DENND2B: variants seen among roughly 807,000 people sequenced by gnomAD.
DENND2B encodes DENN domain containing 2B.
A neutral mutation model predicts 116.0 loss-of-function variants in DENND2B; 32 were observed. The observed-to-expected ratio is 0.28, with a 90% CI of 0.21 to 0.37. The LOEUF (loss-of-function observed/expected upper bound fraction) is 0.37. DENND2B is among the 10% of genes least tolerant of loss of function. The pLI is 1.00. For synonymous variants in DENND2B, 588 were observed against 583.9 expected, an observed-to-expected ratio of 1.01 and a Z score of -0.10; for missense variants, 1,276 against 1,477.7, an observed-to-expected ratio of 0.86 and a Z score of 2.24.
chr11:8,830,093 G>A (rs985046554), intron 4 of DENND2B, among the ~76,000 whole-genome samples: 10 of 152,030 alleles, frequency 6.6e-5, no homozygotes, highest in Admixed American at 5.9e-4. Flanking sequence ...CCTTTCTCTG[G>A]CCTCTCCAAA....
In DENND2B at chr11:8,715,754, C is replaced by T. The variant is rs144868309; in HGVS notation, c.1694G>A (p.Arg565Gln). ...GTGCCTCTTGGGTAATCGTGGCAGC[C>T]GGTGGCTCTTCCTTTCTGACCAGTT... ...SGNWSERKSH[R>Q]LPRLPKRHSH... Residue 565 changes from arginine (R) to glutamine (Q), a missense_variant, in exon 6 of 20, where the codon CGG (arginine) becomes CAG (glutamine). Transcript: ENST00000313726. 135 of 1,614,078 alleles carry T rather than the reference C, an allele frequency of 8.4e-5. 1 individual carries two copies. The highest frequency in any genetic ancestry group is 2.7e-4 in the African/African-American group (20 of 75,068).
At chr11:8,905,760 A>C (rs562811704) in intron 1 of DENND2B, among the ~76,000 whole-genome samples, 1 of 152,264 alleles carries the variant, frequency 6.6e-6, no homozygotes, top group Admixed American at 6.5e-5. Context: ...CCAAACCAGA[A>C]ACATTTCAGA....
chr11:8,839,670 A>G (rs957070493), intron 3 of DENND2B, among the ~76,000 whole-genome samples: 6 of 152,174 alleles, frequency 3.9e-5, no homozygotes, highest in Admixed American at 6.5e-5. Flanking sequence ...AGAGTGGGGA[A>G]GAGGGAAGGA....
In DENND2B at chr11:8,696,625, G is replaced by A. The variant is rs2040401325; in HGVS notation, c.3094C>T (p.Arg1032Trp). The A allele has an allele frequency of 6.2e-7, 1 of 1,614,140 alleles. No individual in the cohort carries two copies. The highest frequency in any genetic ancestry group is 8.5e-7 in the Non-Finnish European group (1 of 1,180,046). The change falls in exon 18 of 20, where the codon CGG becomes TGG. Residue 1032 changes from arginine (R) to tryptophan (W), a missense_variant. By Grantham distance (101) the Arg-to-Trp change is moderately radical. Around this residue, in one of 2 missense-constraint regions of DENND2B, gnomAD observed 420 missense variants for 631.1 expected, o/e 0.67. Coordinates refer to ENST00000313726, the MANE Select transcript of DENND2B (RefSeq NM_213618.2). ...TGCCCAACGGTCTCCACAAAGAACC[G>A]GATAAACACCTCCGACACCAGCCCA... ...LNGLVSEVFI[R>W]FFVETVGHYS...
chr11:8,857,924 C>G (rs2063252182), intron 2 of DENND2B, among the ~76,000 whole-genome samples: 1 of 152,208 alleles, frequency 6.6e-6, no homozygotes, highest in African/African-American at 2.4e-5. Flanking sequence ...CAAATCCAAT[C>G]TCTCCTTCAA....
upstream of DENND2B, among the ~76,000 whole-genome samples, chr11:8,813,065 T>TG (rs1302647388): frequency 6.6e-6 from 1 of 152,142 alleles, no homozygotes; most frequent in Non-Finnish European, 1.5e-5. Flanking sequence ...ATTATAGGTG[T>TG]GTACTACCAC....
intron 2 of DENND2B, among the ~76,000 whole-genome samples, chr11:8,876,621 A>G (rs193134636): frequency 1.4e-3 from 216 of 152,292 alleles, no homozygotes; most frequent in Admixed American, 3.2e-3. Flanking sequence ...TCATGCCTGT[A>G]ATCCCAGCAC....
At chr11:8,751,598 C>T (rs1162631484) in intron 1 of DENND2B, among the ~76,000 whole-genome samples, 7 of 151,890 alleles carry the variant, frequency 4.6e-5, no homozygotes, top group East Asian at 1.9e-4. Flanking sequence ...CGAACACATC[C>T]GAACATCAGA....
chr11:8,884,281 G>GA lies in DENND2B; in HGVS notation c.-255-3173dup, dbSNP rs34871822. 8.4e-3 allele frequency among the ~76,000 whole-genome samples: 1,209 copies of GA among 144,208 alleles called. 12 individuals are homozygous for GA. Among genetic ancestry groups the GA allele is most frequent in the African/African-American group, 0.028 (1,090 of 38,354 alleles). 94.6% of individuals were successfully genotyped at this position (144,208 alleles called of 152,430 possible). The stretch of plus-strand genomic sequence containing the variant: ...GGATACTAATACTAGTCTACTAACA[G>GA]AAAAAAAAAAAAAAATCCTCTTCGG... On this transcript the variant is annotated intron_variant, in intron 1 of 22. Transcript: ENST00000534127.
chr11:8,723,839 C>T (rs180848000), intron 4 of DENND2B, among the ~76,000 whole-genome samples: 2 of 152,350 alleles, frequency 1.3e-5, no homozygotes, highest in East Asian at 3.9e-4. Flanking sequence ...CCTGCTGTGA[C>T]CCAGTTTTGC....
intron 9 of DENND2B, 105 bp from the exon 10 acceptor site, chr11:8,711,336 G>A: frequency 2.2e-6 from 2 of 911,832 alleles, no homozygotes; most frequent in East Asian, 4.9e-5. Context: ...CTGACTAGCG[G>A]GCATGATCTC....
intron 1 of DENND2B, among the ~76,000 whole-genome samples, chr11:8,780,513 G>A (rs573603108): frequency 1.3e-5 from 2 of 152,286 alleles, no homozygotes; most frequent in South Asian, 2.1e-4. Flanking sequence ...ACATGCACAA[G>A]GGCTTGGAAG....
intron 1 of DENND2B, among the ~76,000 whole-genome samples, chr11:8,770,290 T>A (rs2056630700): frequency 6.6e-6 from 1 of 152,202 alleles, no homozygotes; most frequent in Admixed American, 6.5e-5. Context: ...ATCTTCTCCA[T>A]TTCACAAAGG....
intron 1 of DENND2B, among the ~76,000 whole-genome samples, chr11:8,761,803 G>T (rs766613234): frequency 7.1e-6 from 1 of 141,550 alleles, no homozygotes; most frequent in Non-Finnish European, 1.5e-5. Flanking sequence ...AAATAATAAA[G>T]GCTAAAGGGA....
intron 4 of DENND2B, among the ~76,000 whole-genome samples, chr11:8,720,125 C>G (rs78137796): frequency 0.016 from 2,468 of 152,146 alleles, 31 homozygotes; most frequent in Middle Eastern, 0.034. Flanking sequence ...GGGAGGGAGG[C>G]AGGAATGGAG....
intron 4 of DENND2B, among the ~76,000 whole-genome samples, chr11:8,838,289 A>G (rs1024564064): frequency 1.6e-4 from 25 of 152,126 alleles, no homozygotes; most frequent in African/African-American, 5.8e-4. Flanking sequence ...ACCATGAAAT[A>G]AGTTCCCCTC....
intron 1 of DENND2B, among the ~76,000 whole-genome samples, chr11:8,778,662 C>G (rs1451061589): frequency 1.3e-5 from 2 of 152,244 alleles, no homozygotes; most frequent in Non-Finnish European, 2.9e-5. Context: ...CTCCCACGTA[C>G]CCGGGGGCTG....
chr11:8,746,081 C>G (rs2051189702), intron 2 of DENND2B, among the ~76,000 whole-genome samples: 1 of 152,246 alleles, frequency 6.6e-6, no homozygotes, highest in African/African-American at 2.4e-5. Context: ...TTCTAGGAAG[C>G]ATCTCGAGTA....
intron 2 of DENND2B, among the ~76,000 whole-genome samples, chr11:8,740,922 C>G (rs981031188): frequency 2.6e-5 from 4 of 152,208 alleles, no homozygotes; most frequent in Non-Finnish European, 4.4e-5. Context: ...GTGCCTCAGT[C>G]AGCAAGTCCA....
Sources: allele counts gnomAD v4.1 joint callset (sites outside exome capture counted in the v4.1 genomes callset), GRCh38; gene constraint gnomAD v4.1.1; regional missense constraint gnomAD v4.1.1; transcripts MANE v1.5; gene names NCBI Gene and HGNC (gene_info 2026-07-23, HGNC 2026-07-21).